TPTE: variants seen among roughly 807,000 people sequenced by gnomAD.
TPTE encodes putative tyrosine-protein phosphatase TPTE.
In TPTE, 59 loss-of-function variants were observed where a neutral mutation model predicts 84.1. The observed-to-expected ratio is 0.70, with a 90% confidence interval of 0.57 to 0.87. The LOEUF is 0.87. Among genes scored for constraint, TPTE ranks in the 40% least tolerant of loss-of-function variants. TPTE has a pLI of 0.00. For synonymous variants in TPTE, 130 were observed against 223.5 expected (o/e 0.58, Z 3.73); for missense variants, 382 against 659.6 (o/e 0.58, Z 4.61).
At chr21:10,559,291 C>G (rs1157905705) in intron 8 of TPTE, among the ~76,000 whole-genome samples, 2 of 152,306 alleles carry the variant, frequency 1.3e-5, no homozygotes, top group Non-Finnish European at 2.9e-5. Context: ...ACTTTACTGT[C>G]TTCTGGATAG....
At chr21:10,529,948 T>G (rs1477174390) in intron 3 of TPTE, among the ~76,000 whole-genome samples, 1 of 152,312 alleles carries the variant, frequency 6.6e-6, no homozygotes, top group Non-Finnish European at 1.5e-5. Context: ...TTTCTGTGTT[T>G]AATAAGTATC....
rs537043629 is a variant in TPTE at position 10,554,596 on chromosome 21, G to A, written c.233+1880G>A. Reference sequence around the variant, plus strand: ...CCTTTTTCTATTTTATGTAATATAAGCAATTTCTCCCAGGTTGTCTTGCTT... The same window carrying A: ...CCTTTTTCTATTTTATGTAATATAAACAATTTCTCCCAGGTTGTCTTGCTT... On this transcript the variant is annotated intron_variant, in intron 8 of 23. Coordinates refer to ENST00000618007, the MANE Select transcript of TPTE (RefSeq NM_199261.4). 2.0e-5 allele frequency among the ~76,000 whole-genome samples: 3 copies of A among 152,420 alleles called. No homozygotes were observed. In the East Asian group the frequency reaches 5.8e-4, roughly 29 times the overall value.
intron 3 of TPTE, among the ~76,000 whole-genome samples, chr21:10,535,976 C>T (rs914514970): frequency 6.6e-6 from 1 of 152,310 alleles, no homozygotes; most frequent in South Asian, 2.1e-4. Context: ...ACTGCAGTTA[C>T]ATTAGAAATA....
At chr21:10,565,459 C>T (rs2074901565) in intron 10 of TPTE, among the ~76,000 whole-genome samples, 1 of 152,310 alleles carries the variant, frequency 6.6e-6, no homozygotes, top group South Asian at 2.1e-4. Context: ...TCAATGCACT[C>T]CCTGTCAAAA....
intron 8 of TPTE, among the ~76,000 whole-genome samples, chr21:10,559,276 T>C (rs1158683977): frequency 1.3e-5 from 2 of 152,306 alleles, no homozygotes; most frequent in Admixed American, 1.3e-4. Context: ...TTACTAAACA[T>C]CCAAACTTTA....
In TPTE at chr21:10,569,543, G is replaced by T. The variant is rs1231179315; in HGVS notation, c.666+7G>T. Reference sequence around the variant, plus strand: ...AAAGCTGATAAGAAGGCGGGTAAGTGGGCAAAACATGCTTATGATTCACAA... The same window carrying T: ...AAAGCTGATAAGAAGGCGGGTAAGTTGGCAAAACATGCTTATGATTCACAA... On this transcript the variant is annotated splice_region_variant and intron_variant, in intron 12 of 23. Coordinates refer to ENST00000618007, the MANE Select transcript of TPTE (RefSeq NM_199261.4). 6.2e-7 allele frequency: 1 copy of T among 1,613,836 alleles called. No individual in the cohort carries two copies. Among genetic ancestry groups the T allele is most frequent in the Non-Finnish European group, 8.5e-7 (1 of 1,179,814 alleles).
chr21:10,532,678 T>G (rs917758194), intron 3 of TPTE, among the ~76,000 whole-genome samples: 6 of 152,304 alleles, frequency 3.9e-5, no homozygotes, highest in African/African-American at 1.4e-4. Context: ...CCTACAAACT[T>G]TGTCATGTTA....
chr21:10,572,478 T>G, intron 14 of TPTE, among the ~76,000 whole-genome samples: 1 of 148,288 alleles, frequency 6.7e-6, no homozygotes, highest in African/African-American at 2.5e-5. Context: ...AAAAAGGAAA[T>G]GTTAAAAACA....
chr21:10,538,803 G>A, intron 4 of TPTE, 69 bp downstream of exon 4: 1 of 1,613,898 alleles, frequency 6.2e-7, no homozygotes, highest in Non-Finnish European at 8.5e-7. Flanking sequence ...CACAGACACA[G>A]GCACATAAAC....
chr21:10,554,665 C>A (rs2074644030), intron 8 of TPTE, among the ~76,000 whole-genome samples: 1 of 152,308 alleles, frequency 6.6e-6, no homozygotes, highest in Non-Finnish European at 1.5e-5. Flanking sequence ...TCAAATGTAT[C>A]TGTACTTTTC....
chr21:10,523,436 G>A (rs1260163959), intron 1 of TPTE, among the ~76,000 whole-genome samples: 1 of 152,136 alleles, frequency 6.6e-6, no homozygotes, highest in Non-Finnish European at 1.5e-5. Context: ...ATCTCCCAAT[G>A]CTATCCCTCC....
chr21:10,524,952 A>G (rs1423452057), intron 2 of TPTE, among the ~76,000 whole-genome samples: 2 of 152,032 alleles, frequency 1.3e-5, no homozygotes, highest in African/African-American at 2.4e-5. Flanking sequence ...AATTTAAAAA[A>G]CAAACCAAGC....
At chr21:10,538,907 A>G (rs909701428) in intron 4 of TPTE, among the ~76,000 whole-genome samples, 173 bp downstream of exon 4, 20 of 152,294 alleles carry the variant, frequency 1.3e-4, no homozygotes, top group Non-Finnish European at 2.6e-4. Context: ...GAAACATACA[A>G]CAAGGAGACA....
At chr21:10,568,963 G>A (rs1207554224) in intron 11 of TPTE, among the ~76,000 whole-genome samples, 2 of 152,430 alleles carry the variant, frequency 1.3e-5, no homozygotes, top group African/African-American at 2.4e-5. Flanking sequence ...CAGCTGTAGT[G>A]AACATCTGTT....
intron 8 of TPTE, among the ~76,000 whole-genome samples, chr21:10,553,688 C>CTGG (rs1393873179): frequency 2.0e-5 from 3 of 152,414 alleles, no homozygotes; most frequent in Non-Finnish European, 4.4e-5. Context: ...GTGAGAAATG[C>CTGG]TGGTGTTTCA....
intron 8 of TPTE, among the ~76,000 whole-genome samples, chr21:10,556,603 T>C (rs547524108): frequency 6.6e-6 from 1 of 152,422 alleles, no homozygotes; most frequent in Non-Finnish European, 1.5e-5. Flanking sequence ...TTTTAGATTC[T>C]TGAGGAATCG....
At chr21:10,532,602 C>T (rs1406807200) in intron 3 of TPTE, among the ~76,000 whole-genome samples, 6 of 152,308 alleles carry the variant, frequency 3.9e-5, no homozygotes, top group Admixed American at 3.3e-4. Context: ...TTGCTTTTAA[C>T]CATCTTGACT....
At chr21:10,543,263 A>G in intron 6 of TPTE, 66 bp from the exon 7 acceptor site, 3 of 1,533,432 alleles carry the variant, frequency 2.0e-6, no homozygotes, top group South Asian at 2.3e-5. Context: ...CAATCTCCTG[A>G]CCTCATGATC....
At chr21:10,603,688 A>ACCTTAT in intron 23 of TPTE, 56 bp downstream of exon 23, 1 of 1,587,244 alleles carries the variant, frequency 6.3e-7, no homozygotes, top group Non-Finnish European at 8.6e-7. Flanking sequence ...TCTATGTATA[A>ACCTTAT]GGTGTAATGG....
Sources: gnomAD v4.1 joint callset for allele counts (sites outside exome capture counted in the v4.1 genomes callset) on GRCh38, gnomAD v4.1.1 for gene constraint, MANE v1.5 for transcripts, NCBI Gene and HGNC (gene_info 2026-07-23, HGNC 2026-07-21) for gene names.